The following AXIN1 variants were observed in gnomAD, a reference collection of about 807,000 sequenced individuals.
The protein encoded by AXIN1 is axin-1.
Under a neutral mutation model 76.4 loss-of-function variants are expected in AXIN1, and 30 were observed. The observed-to-expected ratio is 0.39, with a 90% confidence interval of 0.29 to 0.53. AXIN1 has a LOEUF of 0.53. Ranked by LOEUF, AXIN1 falls within the 20% of genes least tolerant of loss-of-function variation. The probability of loss-of-function intolerance (pLI) is 0.66; values close to 1 mark genes in which losing one functional copy is unlikely to be tolerated. For synonymous variants in AXIN1, 545 were observed against 501.4 expected, an observed-to-expected ratio of 1.09 and a Z score of -1.16; for missense variants, 1,140 against 1,198.8, an observed-to-expected ratio of 0.95 and a Z score of 0.72.
intron 1 of AXIN1, among the ~76,000 whole-genome samples, chr16:349,837 C>T (rs1053788627): frequency 6.6e-6 from 1 of 152,170 alleles, no homozygotes; most frequent in Admixed American, 6.5e-5. Flanking sequence ...CTCGCTCTGT[C>T]GCCTAGGCTG....
rs2141458136 is a variant in AXIN1 at position 288,039 on chromosome 16, C to A, written c.*83G>T. 1.9e-6 allele frequency: 3 copies of A among 1,605,056 alleles called. No homozygotes were observed. The highest frequency in any genetic ancestry group is 2.5e-6 in the Non-Finnish European group (3 of 1,177,374). Reference sequence around the variant, plus strand: ...CCCAACACTGTTCCCCATCGGGCTCCTGAGTACGAGGTCATCTGCCTGGCC... The same window carrying A: ...CCCAACACTGTTCCCCATCGGGCTCATGAGTACGAGGTCATCTGCCTGGCC... On this transcript the variant is annotated 3_prime_UTR_variant, in exon 11 of 11. Transcript: ENST00000262320.
In AXIN1 at chr16:306,386, C is replaced by T. The variant is rs559933557; in HGVS notation, c.1117-1945G>A. On this transcript the variant is annotated intron_variant, in intron 4 of 10. Coordinates refer to ENST00000262320, the MANE Select transcript of AXIN1 (RefSeq NM_003502.4). ...GCAAAACATGTTTTAAAATCCAGGC[C>T]GCCAGTGTCTAAGCCGCGGAGGGAT... 1.6e-4 allele frequency among the ~76,000 whole-genome samples: 25 copies of T among 152,298 alleles called. No individual in the cohort carries two copies. In the East Asian group the frequency reaches 4.1e-3, roughly 25 times the overall value.
chr16:306,341 C>T (rs2053024985), intron 4 of AXIN1, among the ~76,000 whole-genome samples: 1 of 152,198 alleles, frequency 6.6e-6, no homozygotes, highest in South Asian at 2.1e-4. Flanking sequence ...TTGCCAGCTG[C>T]TCCAATAACA....
chr16:314,831 A>G (rs2141595522), intron 2 of AXIN1, 148 bp from the exon 3 acceptor site: 1 of 1,180,202 alleles, frequency 8.5e-7, no homozygotes, highest in South Asian at 1.4e-5. Flanking sequence ...GAAAAGACCA[A>G]CATCTCCACC....
Position 335,143 on chromosome 16 carries a change from C to T in AXIN1, c.878+11005G>A, listed in dbSNP as rs112286373. On this transcript the variant is annotated intron_variant, in intron 2 of 10. Coordinates refer to ENST00000262320, the MANE Select transcript of AXIN1 (RefSeq NM_003502.4). Reference sequence around the variant, plus strand: ...TTTATTTGTAAACTTTTTTGTTCACCATGGAAATGCTTTATCTTTGTGGTA... The same window carrying T: ...TTTATTTGTAAACTTTTTTGTTCACTATGGAAATGCTTTATCTTTGTGGTA... Among the ~76,000 whole-genome samples the T allele has an allele frequency of 4.6e-5, 7 of 152,208 alleles. No individual in the cohort carries two copies. The South Asian group carries it at 1.0e-3, about 23-fold the overall frequency.
intron 9 of AXIN1, 174 bp from the exon 10 acceptor site, chr16:289,781 G>C: frequency 1.3e-6 from 1 of 783,704 alleles, no homozygotes; most frequent in Non-Finnish European, 2.1e-6. Context: ...CTGGGATCTA[G>C]TCCGCTAGCA....
chr16:336,087 T>C (rs1198176868), intron 2 of AXIN1, among the ~76,000 whole-genome samples: 1 of 152,096 alleles, frequency 6.6e-6, no homozygotes, highest in Non-Finnish European at 1.5e-5. Flanking sequence ...ATACAAAAAT[T>C]AGCTGGGTGT....
chr16:307,720 T>G (rs2053064861), intron 4 of AXIN1, among the ~76,000 whole-genome samples: 1 of 152,226 alleles, frequency 6.6e-6, no homozygotes. Context: ...CTGCTGTCCC[T>G]GCTGCAGAGC....
rs944122236 is a variant in AXIN1, at chr16:301,516, C to T, written c.1254+2788G>A. ...TTAACATGTCTTGCTTAAGGCCAGG[C>T]ACGGTGGCTCGTGCCTGAAATCCCA... On this transcript the variant is annotated intron_variant, in intron 5 of 10. Transcript: ENST00000262320. Among the ~76,000 whole-genome samples the T allele has an allele frequency of 8.6e-5, 13 of 151,874 alleles. No individual in the cohort carries two copies. The East Asian group carries it at 1.2e-3, about 14-fold the overall frequency.
chr16:316,976 G>C (rs1033473551), intron 2 of AXIN1, among the ~76,000 whole-genome samples: 1 of 152,174 alleles, frequency 6.6e-6, no homozygotes, highest in Non-Finnish European at 1.5e-5. Context: ...ACCTCCCAAG[G>C]CTACCACAAT....
intron 7 of AXIN1, among the ~76,000 whole-genome samples, chr16:294,460 C>CAAAAA (rs35746106): frequency 1.2e-4 from 6 of 48,300 alleles, no homozygotes; most frequent in East Asian, 6.6e-4. Flanking sequence ...GACTCCATCT[C>CAAAAA]AAAAAAAAAA....
At chr16:323,386 C>T (rs1452943754) in intron 2 of AXIN1, among the ~76,000 whole-genome samples, 1 of 141,746 alleles carries the variant, frequency 7.1e-6, no homozygotes, top group Non-Finnish European at 1.5e-5. Flanking sequence ...TTGCAGTGAG[C>T]CGAGATCGCG....
chr16:336,127 C>G (rs1382897787), intron 2 of AXIN1, among the ~76,000 whole-genome samples: 2 of 152,066 alleles, frequency 1.3e-5, no homozygotes, highest in Non-Finnish European at 2.9e-5. Context: ...CCCAGCTACT[C>G]GGGAGGCCGA....
intron 2 of AXIN1, among the ~76,000 whole-genome samples, chr16:321,700 G>A (rs2053461941): frequency 6.6e-6 from 1 of 151,744 alleles, no homozygotes; most frequent in African/African-American, 2.4e-5. Context: ...TGAGGTAGAA[G>A]GCGGATGCCA....
In AXIN1 at chr16:352,571, AGCTCCCACCCGCCC is replaced by A. The variant is rs2054169300; in HGVS notation, c.-298_-285del. 1 of 217,178 alleles carries A rather than the reference AGCTCCCACCCGCCC, an allele frequency of 4.6e-6. No homozygotes were observed. The highest frequency in any genetic ancestry group is 1.7e-4 in the South Asian group (1 of 6,008). The allele number at this position is 217,178 out of a possible 1,614,324, so 13.5% of individuals were successfully genotyped here. A position where few individuals can be genotyped will look rare whatever the true frequency, so the allele number is the denominator to read the frequency against. On this transcript the variant is annotated 5_prime_UTR_variant, in exon 1 of 11. Transcript: ENST00000262320. ...GGGGCGCCGCAGGGGCCCAGCCGCC[AGCTCCCACCCGCCC>A]GCTCCGCGTGGACGCGGCTCCGGGC...
chr16:293,497 G>A lies in AXIN1; in HGVS notation c.2177C>T (p.Ser726Phe), dbSNP rs201439850. Residue 726 changes from serine to phenylalanine, a missense_variant, in exon 8 of 11, where the codon TCC becomes TTC. Transcript: ENST00000262320. This position sits in a 1 kb window ranked among gnomAD's most constrained non-coding sequence, Gnocchi z 4.6. The part of the protein sequence containing the change: ...EEEKRASRAP[S>F]KQRYVQEVMR... ...CACGACGCGGCCGTACCTCTGCTTG[G>A]AGGGTGCTCGGCTGGCTCTCTTTTC... 6.2e-7 allele frequency: 1 copy of A among 1,609,414 alleles called. No homozygotes were observed. Among genetic ancestry groups the A allele is most frequent in the Non-Finnish European group, 8.5e-7 (1 of 1,179,948 alleles).
chr16:321,126 T>C (rs898875153), intron 2 of AXIN1, among the ~76,000 whole-genome samples: 2 of 152,150 alleles, frequency 1.3e-5, no homozygotes, highest in African/African-American at 4.8e-5. Flanking sequence ...GATCTGGCCC[T>C]GGGAATCACC....
chr16:318,473 G>T (rs1317877283), intron 2 of AXIN1, among the ~76,000 whole-genome samples: 1 of 152,180 alleles, frequency 6.6e-6, no homozygotes, highest in Non-Finnish European at 1.5e-5. Flanking sequence ...CTGGCTCTCA[G>T]GATCTGCCCT....
At chr16:303,158 G>A (rs1597012969) in intron 5 of AXIN1, among the ~76,000 whole-genome samples, 1 of 151,982 alleles carries the variant, frequency 6.6e-6, no homozygotes, top group East Asian at 1.9e-4. Flanking sequence ...TGCCCGCCCG[G>A]CCAGCAAAGG....
Sources: allele counts gnomAD v4.1 joint callset (sites outside exome capture counted in the v4.1 genomes callset), GRCh38; gene constraint gnomAD v4.1.1; non-coding constraint Gnocchi (gnomAD v3.1); transcripts MANE v1.5; gene names NCBI Gene and HGNC (gene_info 2026-07-23, HGNC 2026-07-21).